RAD17: variants seen among roughly 807,000 people sequenced by gnomAD.
RAD17 encodes the protein cell cycle checkpoint protein RAD17.
RAD17 carries 31 observed loss-of-function variants against 81.5 expected under a neutral mutation model. That is an observed-to-expected ratio of 0.38 (90% CI 0.29 to 0.51). The LOEUF is 0.51. Among genes scored for constraint, RAD17 ranks in the 20% least tolerant of loss-of-function variants. The pLI is 0.88. For missense variants in RAD17, 681 were observed against 781.2 expected, an observed-to-expected ratio of 0.87 and a Z score of 1.53; for synonymous variants, 261 against 266.2, an observed-to-expected ratio of 0.98 and a Z score of 0.19.
intron 14 of RAD17, 24 bp downstream of exon 14, chr5:69,393,264 T>C: frequency 6.3e-7 from 1 of 1,577,382 alleles, no homozygotes; most frequent in South Asian, 1.1e-5. Flanking sequence ...TGACACTTAG[T>C]ATAGGTTACA....
intron 7 of RAD17, among the ~76,000 whole-genome samples, chr5:69,384,553 C>A (rs1254939625): frequency 2.0e-5 from 3 of 152,130 alleles, no homozygotes; most frequent in Admixed American, 6.5e-5. Context: ...TGAGGTCAAG[C>A]GATCCACCTG....
At chr5:69,413,587 T>G (rs1270697891) in intron 18 of RAD17, among the ~76,000 whole-genome samples, 1 of 152,180 alleles carries the variant, frequency 6.6e-6, no homozygotes, top group Non-Finnish European at 1.5e-5. Flanking sequence ...CAGGCTGGAG[T>G]TCAGTGGCAC....
At chr5:69,398,098 C>T (rs190878395) in intron 16 of RAD17, among the ~76,000 whole-genome samples, 208 of 150,326 alleles carry the variant, frequency 1.4e-3, no homozygotes, top group African/African-American at 5.1e-3. Context: ...GCCTGAGAGA[C>T]AGAGCGAGAC....
chr5:69,397,655 G>A (rs1298469572), intron 16 of RAD17, among the ~76,000 whole-genome samples: 1 of 152,180 alleles, frequency 6.6e-6, no homozygotes, highest in African/African-American at 2.4e-5. Flanking sequence ...TGAGAATGCT[G>A]ATTGGAAAAT....
rs747967959 is a variant in RAD17, at chr5:69,371,482, C to T, written c.-251C>T. 1 of 1,010,884 alleles carries T rather than the reference C, an allele frequency of 9.9e-7. No homozygotes were observed. Among genetic ancestry groups the T allele is most frequent in the Non-Finnish European group, 1.3e-6 (1 of 760,248 alleles). The allele number at this position is 1,010,884 out of a possible 1,614,324, so 62.6% of individuals were successfully genotyped here. ...AATTATAGTTTAATGTACTGCAAGT[C>T]CTAAACTACGGATGGGAACTATTAC... On this transcript the variant is annotated 5_prime_UTR_variant, in exon 3 of 19. Transcript: ENST00000354868.
chr5:69,390,798 AT>A (rs1487406166), intron 12 of RAD17, among the ~76,000 whole-genome samples: 8 of 71,522 alleles, frequency 1.1e-4, no homozygotes, highest in Non-Finnish European at 2.0e-4. Context: ...CTAATTAAAA[AT>A]ATATATATAT....
chr5:69,383,632 G>A (rs900451237), intron 7 of RAD17, among the ~76,000 whole-genome samples: 1 of 151,336 alleles, frequency 6.6e-6, no homozygotes, highest in Non-Finnish European at 1.5e-5. Context: ...CAACCACCTC[G>A]GCCTCCAAAA....
intron 6 of RAD17, among the ~76,000 whole-genome samples, chr5:69,379,821 C>T (rs901884814): frequency 1.3e-5 from 2 of 151,972 alleles, no homozygotes; most frequent in Admixed American, 1.3e-4. Context: ...TCTCTTATGA[C>T]AACAGTGCCT....
upstream of RAD17, chr5:69,369,810 G>A (rs1366492139): frequency 4.2e-6 from 5 of 1,176,688 alleles, no homozygotes; most frequent in African/African-American, 3.1e-5. Flanking sequence ...GAAGGTCCCC[G>A]GGAGGCCGTA....
chr5:69,380,897 C>G (rs1406398072), intron 6 of RAD17, among the ~76,000 whole-genome samples: 1 of 151,746 alleles, frequency 6.6e-6, no homozygotes, highest in Non-Finnish European at 1.5e-5. Context: ...TCCTGACCAG[C>G]TGGGACTATA....
intron 5 of RAD17, 21 bp downstream of exon 5, chr5:69,374,108 A>T (rs577555439): frequency 1.3e-6 from 2 of 1,579,290 alleles, no homozygotes; most frequent in Non-Finnish European, 1.7e-6. Flanking sequence ...GCATGCAGAC[A>T]TATCTACATA....
intron 17 of RAD17, among the ~76,000 whole-genome samples, chr5:69,400,599 T>C (rs1312369685): frequency 6.8e-6 from 1 of 147,842 alleles, no homozygotes; most frequent in African/African-American, 2.5e-5. Context: ...TTTTATTTTT[T>C]GATCCAGATA....
intron 13 of RAD17, 36 bp downstream of exon 13, chr5:69,392,049 A>G (rs1298611761): frequency 7.1e-7 from 1 of 1,412,314 alleles, no homozygotes; most frequent in East Asian, 2.5e-5. Context: ...TCTGTTGGAT[A>G]TCACATAGTC....
intron 4 of RAD17, 144 bp from the exon 5 acceptor site, chr5:69,373,686 A>ATTT (rs56385833): frequency 1.5e-4 from 38 of 251,902 alleles, no homozygotes; most frequent in African/African-American, 1.3e-3. Flanking sequence ...TCTCAAAAAA[A>ATTT]TTTTTTTTTT....
intron 11 of RAD17, 128 bp downstream of exon 11, chr5:69,386,593 A>C: frequency 1.8e-6 from 2 of 1,116,456 alleles, no homozygotes; most frequent in Non-Finnish European, 2.3e-6. Context: ...CTCATAAGGC[A>C]TGTCATTTTA....
chr5:69,386,130 T>G lies in RAD17; in HGVS notation c.698+35T>G, dbSNP rs755677885. 21 of 1,600,376 alleles carry G rather than the reference T, an allele frequency of 1.3e-5. No homozygotes were observed. In the Admixed American group the frequency reaches 3.5e-4, roughly 27 times the overall value. On this transcript the variant is annotated intron_variant, in intron 9 of 18. Coordinates refer to ENST00000354868, the MANE Select transcript of RAD17 (RefSeq NM_133338.3). ...AGTGAAGTATTCTAAAACTCCAAATTAAATGAGAAGTGGCTTAAATTTCAA... is the reference window on the plus strand; with the variant it reads ...AGTGAAGTATTCTAAAACTCCAAATGAAATGAGAAGTGGCTTAAATTTCAA...
intron 8 of RAD17, among the ~76,000 whole-genome samples, chr5:69,385,507 G>A (rs1318114958): frequency 1.3e-5 from 2 of 151,732 alleles, no homozygotes; most frequent in Non-Finnish European, 2.9e-5. Context: ...CTGACCTCAA[G>A]GTAATCCTCC....
At chr5:69,403,072 C>T (rs1479852281) in intron 17 of RAD17, among the ~76,000 whole-genome samples, 1 of 152,172 alleles carries the variant, frequency 6.6e-6, no homozygotes, top group Non-Finnish European at 1.5e-5. Flanking sequence ...CTGCTGGCCT[C>T]AAGCAATCCT....
chr5:69,373,685 A>G (rs1763150034), intron 4 of RAD17, 145 bp from the exon 5 acceptor site: 1 of 380,070 alleles, frequency 2.6e-6, no homozygotes, highest in Non-Finnish European at 3.9e-6. Context: ...GTCTCAAAAA[A>G]ATTTTTTTTT....
Sources: gnomAD v4.1 joint callset for allele counts (sites outside exome capture counted in the v4.1 genomes callset) on GRCh38, gnomAD v4.1.1 for gene constraint, MANE v1.5 for transcripts, NCBI Gene and HGNC (gene_info 2026-07-23, HGNC 2026-07-21) for gene names.